GALNT16: variants seen among roughly 807,000 people sequenced by gnomAD.
GALNT16 encodes the protein UDP-GalNAc:polypeptide N-acetylgalactosaminyltransferase-like protein 1.
Under a neutral mutation model 76.1 loss-of-function variants are expected in GALNT16, and 40 were observed. The ratio of observed to expected loss-of-function variants is 0.53; its 90% CI spans 0.41 to 0.68. The LOEUF (loss-of-function observed/expected upper bound fraction) is 0.68, where lower values mean the gene tolerates loss of function less well. Among genes scored for constraint, GALNT16 ranks in the 30% least tolerant of loss-of-function variants. The pLI, the probability that GALNT16 is intolerant of heterozygous loss-of-function variation, is 0.00. For missense variants in GALNT16, 621 were observed against 731.9 expected (o/e 0.85, Z 1.75); for synonymous variants, 276 against 285.2 (o/e 0.97, Z 0.32).
intron 1 of GALNT16, among the ~76,000 whole-genome samples, chr14:69,300,770 A>G (rs2140140066): frequency 6.6e-6 from 1 of 152,198 alleles, no homozygotes; most frequent in Non-Finnish European, 1.5e-5. Context: ...GAGGACATCC[A>G]ACTCAGAATT....
At chr14:69,280,339 G>C (rs1213306205) in intron 1 of GALNT16, among the ~76,000 whole-genome samples, 3 of 152,190 alleles carry the variant, frequency 2.0e-5, no homozygotes, top group Non-Finnish European at 4.4e-5. Context: ...GGTGTTCTCA[G>C]TGTTCATCCA....
At chr14:69,288,453 C>T (rs1249317784) in intron 1 of GALNT16, among the ~76,000 whole-genome samples, 1 of 152,196 alleles carries the variant, frequency 6.6e-6, no homozygotes. Flanking sequence ...AACCTGACCC[C>T]CATTGACACA....
chr14:69,267,884 G>A (rs779773199), intron 1 of GALNT16, among the ~76,000 whole-genome samples: 8 of 152,132 alleles, frequency 5.3e-5, no homozygotes, highest in African/African-American at 9.7e-5. Flanking sequence ...CTTCTCCCGC[G>A]AAAGTGAGGT....
At chr14:69,375,767 A>T in the GALNT16 span, among the ~76,000 whole-genome samples, 1 of 152,184 alleles carries the variant, frequency 6.6e-6, no homozygotes, top group Non-Finnish European at 1.5e-5. Context: ...CTGAGTAGTT[A>T]GGACTACAGG....
intron 1 of GALNT16, among the ~76,000 whole-genome samples, chr14:69,272,305 G>A (rs2044415832): frequency 1.3e-5 from 2 of 152,200 alleles, no homozygotes; most frequent in East Asian, 3.8e-4. Flanking sequence ...GGAGTTTGCA[G>A]TGAGCCAAGA....
intron 1 of GALNT16, among the ~76,000 whole-genome samples, chr14:69,309,051 C>G (rs908252694): frequency 9.2e-5 from 14 of 152,070 alleles, no homozygotes; most frequent in African/African-American, 3.4e-4. Flanking sequence ...CTTTAATTTG[C>G]ATTTTTATTT....
At chr14:69,385,299 C>T in the GALNT16 span, among the ~76,000 whole-genome samples, 2 of 152,180 alleles carry the variant, frequency 1.3e-5, no homozygotes, top group East Asian at 1.9e-4. Flanking sequence ...CTTAATGCAT[C>T]CCTGAATTAA....
chr14:69,381,319 C>G, the GALNT16 span, among the ~76,000 whole-genome samples: 1 of 152,148 alleles, frequency 6.6e-6, no homozygotes, highest in Admixed American at 6.6e-5. Flanking sequence ...AATGTTTATT[C>G]TGAATTAACT....
chr14:69,280,140 CAGAGCTCTT>C (rs1334239312), intron 1 of GALNT16, among the ~76,000 whole-genome samples: 1 of 152,204 alleles, frequency 6.6e-6, no homozygotes. Flanking sequence ...CATTCATCTA[CAGAGCTCTT>C]TCATCTTCCC....
At chr14:69,372,844 A>G in the GALNT16 span, among the ~76,000 whole-genome samples, 25 of 152,288 alleles carry the variant, frequency 1.6e-4, no homozygotes, top group African/African-American at 5.3e-4. Flanking sequence ...CAGTACCTGC[A>G]CCTTCAAATC....
rs2045255796 is a variant in GALNT16 at position 69,324,720 on chromosome 14, C to T, written c.364C>T (p.Leu122=). The T allele has an allele frequency of 3.7e-6, 6 of 1,612,732 alleles. No individual in the cohort carries two copies. Among genetic ancestry groups the T allele is most frequent in the Non-Finnish European group, 5.1e-6 (6 of 1,179,142 alleles). Residue 122 remains leucine (L), a synonymous_variant, in exon 3 of 15, where the codon CTG becomes TTG. Coordinates refer to ENST00000448469, the MANE Select transcript of GALNT16 (RefSeq NM_001168368.2). ...CCCATCTGTGTCCTACTCCTCGGAC[C>T]TGCCAGCCACCAGCGTCATCATCAC... is the stretch of plus-strand genomic sequence containing the variant. The part of the protein sequence containing the change: ...SCPSVSYSSD[L]PATSVIITFH...
In GALNT16 at chr14:69,341,747, C is replaced by T. The variant is rs780620549; in HGVS notation, c.1254C>T (p.Asn418=). Residue 418 remains asparagine (N), a synonymous_variant, in exon 12 of 15, where the codon AAC becomes AAT. Coordinates refer to ENST00000448469, the MANE Select transcript of GALNT16 (RefSeq NM_001168368.2). Reference sequence around the variant, plus strand: ...AGTCCTTCCGCTGGTACCTGGAGAACGTCTACCCAGAGCTCACGTGAGTGC... The same window carrying T: ...AGTCCTTCCGCTGGTACCTGGAGAATGTCTACCCAGAGCTCACGTGAGTGC... ...NCKSFRWYLE[N]VYPELTVPVK... is the part of the protein sequence containing the mutation. 4 of 1,612,228 alleles carry T rather than the reference C, an allele frequency of 2.5e-6. No homozygotes were observed. The highest frequency in any genetic ancestry group is 3.4e-6 in the Non-Finnish European group (4 of 1,178,556).
At chr14:69,320,499 A>AAAAAAAAG (rs1394520818) in intron 1 of GALNT16, among the ~76,000 whole-genome samples, 1 of 136,520 alleles carries the variant, frequency 7.3e-6, no homozygotes, top group Non-Finnish European at 1.6e-5. Flanking sequence ...AAAAAAAGAA[A>AAAAAAAAG]AAAAAAAGAA....
intron 1 of GALNT16, among the ~76,000 whole-genome samples, chr14:69,264,269 A>ATT (rs2044312072): frequency 6.6e-6 from 1 of 152,192 alleles, no homozygotes; most frequent in East Asian, 1.9e-4. Context: ...CTACTGAATG[A>ATT]CCATGGACAC....
At chr14:69,351,825 T>C (rs1327925907) in intron 14 of GALNT16, 1 of 508,038 alleles carries the variant, frequency 2.0e-6, no homozygotes, top group Non-Finnish European at 3.5e-6. Flanking sequence ...GGCAAGAGGA[T>C]TGCTTGAACT....
intron 12 of GALNT16, among the ~76,000 whole-genome samples, chr14:69,346,807 GC>G (rs2045570431): frequency 6.6e-6 from 1 of 152,090 alleles, no homozygotes; most frequent in South Asian, 2.1e-4. Flanking sequence ...CTCAGGCCCA[GC>G]CTCCAGGGCA....
chr14:69,282,242 T>C (rs2140117631), intron 1 of GALNT16, among the ~76,000 whole-genome samples: 1 of 152,338 alleles, frequency 6.6e-6, no homozygotes, highest in South Asian at 2.1e-4. Flanking sequence ...TGTGTGGCGT[T>C]GGAGTGCACA....
chr14:69,343,679 G>A (rs1178525155), intron 12 of GALNT16, among the ~76,000 whole-genome samples: 1 of 152,202 alleles, frequency 6.6e-6, no homozygotes, highest in East Asian at 1.9e-4. Context: ...TACAACATTT[G>A]GGTGAAGCCC....
chr14:69,305,930 T>C (rs986539976), intron 1 of GALNT16, among the ~76,000 whole-genome samples: 3 of 152,226 alleles, frequency 2.0e-5, no homozygotes, highest in Non-Finnish European at 4.4e-5. Context: ...CATTTTGAGT[T>C]GATTTTGGCG....
Sources: gnomAD v4.1 joint callset for allele counts (sites outside exome capture counted in the v4.1 genomes callset) on GRCh38, gnomAD v4.1.1 for gene constraint, MANE v1.5 for transcripts, NCBI Gene and HGNC (gene_info 2026-07-23, HGNC 2026-07-21) for gene names.